The following SOX30 variants were observed in gnomAD, a reference collection of about 807,000 sequenced individuals.
The protein encoded by SOX30 is SRY-box transcription factor 30.
In SOX30, 17 loss-of-function variants were observed where a neutral mutation model predicts 58.6. That is an observed-to-expected ratio of 0.29 (90% CI 0.20 to 0.44). The LOEUF is 0.44. Ranked by LOEUF, SOX30 falls within the 20% of genes least tolerant of loss-of-function variation. The pLI is 1.00. For synonymous variants in SOX30, 421 were observed against 400.2 expected (o/e 1.05, Z -0.62); for missense variants, 951 against 965.8 (o/e 0.98, Z 0.20).
At chr5:157,631,018 ATT>A (rs1398167140) in intron 4 of SOX30, among the ~76,000 whole-genome samples, 2 of 119,802 alleles carry the variant, frequency 1.7e-5, no homozygotes, top group Non-Finnish European at 3.3e-5. Context: ...TATACTATAT[ATT>A]TTATATATAT....
chr5:157,659,946 C>G (rs1309467063), intron 2 of SOX30, among the ~76,000 whole-genome samples: 2 of 152,178 alleles, frequency 1.3e-5, no homozygotes, highest in Admixed American at 6.5e-5. Flanking sequence ...GCAGATAAAG[C>G]CTCCAGATAG....
intron 4 of SOX30, among the ~76,000 whole-genome samples, chr5:157,634,042 A>G (rs1039032222): frequency 6.6e-6 from 1 of 152,188 alleles, no homozygotes. Flanking sequence ...GACAAACACA[A>G]TATGATGATG....
intron 3 of SOX30, among the ~76,000 whole-genome samples, chr5:157,642,746 CA>C (rs939207497): frequency 7.9e-5 from 12 of 151,976 alleles, no homozygotes; most frequent in African/African-American, 2.9e-4. Flanking sequence ...GAGGCAAATG[CA>C]AAAAAACTAG....
chr5:157,662,784 T>C (rs1371368554), intron 2 of SOX30, among the ~76,000 whole-genome samples: 2 of 152,220 alleles, frequency 1.3e-5, no homozygotes, highest in Non-Finnish European at 2.9e-5. Context: ...GTCTTCTCTC[T>C]AATGCCTGCT....
chr5:157,631,897 G>C (rs1395365810), intron 4 of SOX30, among the ~76,000 whole-genome samples: 1 of 151,090 alleles, frequency 6.6e-6, no homozygotes, highest in Non-Finnish European at 1.5e-5. Flanking sequence ...GAGAATATTA[G>C]CTGGGCATGG....
upstream of SOX30, among the ~76,000 whole-genome samples, chr5:157,655,105 C>G (rs1759446442): frequency 6.6e-6 from 1 of 152,114 alleles, no homozygotes; most frequent in Non-Finnish European, 1.5e-5. Flanking sequence ...TTCTGGTGAC[C>G]CAGGTGGGAT....
intron 1 of SOX30, among the ~76,000 whole-genome samples, chr5:157,650,301 G>C (rs1759297780): frequency 6.6e-6 from 1 of 151,880 alleles, no homozygotes; most frequent in Admixed American, 6.6e-5. Flanking sequence ...GGGTGGAGTG[G>C]AGAGGAAGAA....
chr5:157,646,028 A>AAT (rs1759183001), intron 3 of SOX30, among the ~76,000 whole-genome samples: 1 of 151,912 alleles, frequency 6.6e-6, no homozygotes, highest in African/African-American at 2.4e-5. Context: ...TCAAAAAAAA[A>AAT]AAAACTGTTC....
chr5:157,631,055 A>ATATACAATATATATATTT (rs1561578508), intron 4 of SOX30, among the ~76,000 whole-genome samples: 16 of 47,996 alleles, frequency 3.3e-4, no homozygotes, highest in East Asian at 1.3e-3. Flanking sequence ...TTTTATATAT[A>ATATACAATATATATATTT]TATATATATA....
intron 2 of SOX30, among the ~76,000 whole-genome samples, chr5:157,666,161 T>C (rs2083638136): frequency 6.6e-6 from 1 of 152,034 alleles, no homozygotes; most frequent in African/African-American, 2.4e-5. Flanking sequence ...TTTTGTTTGT[T>C]TGTTTGTTTT....
In SOX30 at chr5:157,651,507, ACCT is replaced by A; in HGVS notation, c.569_571del (p.Glu190del). The A allele has an allele frequency of 6.2e-7, 1 of 1,611,850 alleles. No individual in the cohort carries two copies. Among genetic ancestry groups the A allele is most frequent in the East Asian group, 2.2e-5 (1 of 44,822 alleles). On this transcript the variant is annotated inframe_deletion, in exon 1 of 5. Transcript: ENST00000265007. Reference sequence around the variant, plus strand: ...CCCGCCTTGCATCGAGTCTCTCATGACCTCCTCCGCCTCCAGCTTGCCCTTCTC... The same window carrying A: ...CCCGCCTTGCATCGAGTCTCTCATGACCTCCGCCTCCAGCTTGCCCTTCTC...
intron 2 of SOX30, among the ~76,000 whole-genome samples, chr5:157,666,526 C>T (rs1029414446): frequency 7.3e-6 from 1 of 137,550 alleles, no homozygotes; most frequent in Non-Finnish European, 1.6e-5. Context: ...CACACACACA[C>T]ACCTCAGTTC....
intron 2 of SOX30, among the ~76,000 whole-genome samples, chr5:157,662,590 C>A (rs10074334): frequency 0.61 from 91,948 of 151,974 alleles, 29,941 homozygotes; most frequent in African/African-American, 0.86. Flanking sequence ...GTGTAAACCA[C>A]AAATAAAATT....
intron 3 of SOX30, among the ~76,000 whole-genome samples, chr5:157,644,297 C>T (rs554972816): frequency 4.6e-5 from 7 of 152,246 alleles, no homozygotes; most frequent in Non-Finnish European, 8.8e-5. Context: ...ACTGACACTA[C>T]ATGTCACCAG....
chr5:157,671,423 G>C (rs2113863461), exon 1 of SOX30: 1 of 582,884 alleles, frequency 1.7e-6, no homozygotes, highest in Non-Finnish European at 3.1e-6. Context: ...CGCGTCCGTG[G>C]CCGCCGGACT....
intron 1 of SOX30, among the ~76,000 whole-genome samples, chr5:157,669,673 C>T (rs879797838): frequency 6.6e-6 from 1 of 151,898 alleles, no homozygotes; most frequent in Non-Finnish European, 1.5e-5. Context: ...GGCGCTACCA[C>T]GCCTGACTAA....
At chr5:157,665,938 C>T in intron 2 of SOX30, among the ~76,000 whole-genome samples, 1 of 144,998 alleles carries the variant, frequency 6.9e-6, no homozygotes, top group Non-Finnish European at 1.5e-5. Context: ...TGGAGTCTCA[C>T]TCTGTCACAC....
At chr5:157,671,302 C>G in intron 1 of SOX30, 1 of 370,098 alleles carries the variant, frequency 2.7e-6, no homozygotes, top group Non-Finnish European at 4.9e-6. Context: ...GTCCCCACGT[C>G]GAAGCGGAAA....
chr5:157,636,350 T>C (rs1758927126), intron 4 of SOX30, among the ~76,000 whole-genome samples: 1 of 152,228 alleles, frequency 6.6e-6, no homozygotes, highest in South Asian at 2.1e-4. Context: ...AAATTCAATC[T>C]ACACCCTTCA....
Sources: gnomAD v4.1 joint callset for allele counts (sites outside exome capture counted in the v4.1 genomes callset) on GRCh38, gnomAD v4.1.1 for gene constraint, MANE v1.5 for transcripts, NCBI Gene and HGNC (gene_info 2026-07-23, HGNC 2026-07-21) for gene names.